KPNA3: variants seen among roughly 807,000 people sequenced by gnomAD.
KPNA3 encodes the protein importin subunit alpha-4.
KPNA3 carries 13 observed loss-of-function variants against 73.8 expected under a neutral mutation model. The observed-to-expected ratio is 0.18, with a 90% CI of 0.11 to 0.28. The LOEUF is 0.28. Ranked by LOEUF, KPNA3 falls within the 10% of genes least tolerant of loss-of-function variation. The pLI, the probability that KPNA3 is intolerant of heterozygous loss-of-function variation, is 1.00. For missense variants in KPNA3, 360 were observed against 618.1 expected (o/e 0.58, Z 4.43); for synonymous variants, 186 against 206.9 (o/e 0.90, Z 0.87).
At chr13:49,758,709 T>C (rs1426412561) in intron 1 of KPNA3, among the ~76,000 whole-genome samples, 2 of 152,056 alleles carry the variant, frequency 1.3e-5, no homozygotes, top group Non-Finnish European at 2.9e-5. Context: ...TATGTGTGTA[T>C]GTATGTATAT....
intron 1 of KPNA3, among the ~76,000 whole-genome samples, chr13:49,765,486 A>C (rs2137588003): frequency 6.6e-6 from 1 of 152,270 alleles, no homozygotes. Context: ...CTGAGTTATA[A>C]AACTATTAAC....
Position 49,705,833 on chromosome 13 carries a change from C to T in KPNA3, c.1210-50G>A, listed in dbSNP as rs780509244. The T allele has an allele frequency of 9.7e-6, 14 of 1,439,548 alleles. No individual in the cohort carries two copies. In the South Asian group the frequency reaches 1.7e-4, roughly 17 times the overall value. 89.2% of individuals were successfully genotyped at this position (1,439,548 alleles called of 1,614,324 possible). Reference sequence around the variant, plus strand: ...TTTTTATTTATATAATTATCTATTTCCCAGTAGGGTGTCGTGCTACATGGA... The same window carrying T: ...TTTTTATTTATATAATTATCTATTTTCCAGTAGGGTGTCGTGCTACATGGA... On this transcript the variant is annotated intron_variant, in intron 14 of 16. Coordinates refer to ENST00000261667, the MANE Select transcript of KPNA3 (RefSeq NM_002267.4).
chr13:49,705,396 A>G (rs1355837918), intron 15 of KPNA3, among the ~76,000 whole-genome samples: 1 of 152,026 alleles, frequency 6.6e-6, no homozygotes, highest in Non-Finnish European at 1.5e-5. Context: ...CAATCTCTAG[A>G]AGGCTATACA....
intron 10 of KPNA3, among the ~76,000 whole-genome samples, chr13:49,712,602 G>GA (rs1362859274): frequency 2.0e-5 from 3 of 151,874 alleles, no homozygotes; most frequent in Admixed American, 2.0e-4. Flanking sequence ...AGGCGGAGCT[G>GA]AAAAAAATAT....
intron 1 of KPNA3, among the ~76,000 whole-genome samples, chr13:49,751,405 A>C (rs571033865): frequency 6.6e-6 from 1 of 152,318 alleles, no homozygotes; most frequent in East Asian, 1.9e-4. Context: ...ACCATCATCT[A>C]ATCTGGACTA....
intron 1 of KPNA3, among the ~76,000 whole-genome samples, chr13:49,760,411 T>C (rs1193317722): frequency 1.8e-5 from 2 of 113,800 alleles, no homozygotes; most frequent in African/African-American, 6.7e-5. Context: ...TGAGATCCCA[T>C]CTCAAAAAAA....
At chr13:49,749,849 TAAG>T (rs1419104404) in intron 1 of KPNA3, among the ~76,000 whole-genome samples, 1 of 152,206 alleles carries the variant, frequency 6.6e-6, no homozygotes. Flanking sequence ...TTAGGTCAGT[TAAG>T]AAGAGGAGGT....
At chr13:49,773,973 A>G (rs1954875896) in intron 1 of KPNA3, among the ~76,000 whole-genome samples, 1 of 152,078 alleles carries the variant, frequency 6.6e-6, no homozygotes, top group Non-Finnish European at 1.5e-5. Context: ...TAGTGTGATC[A>G]TGGCTCGCTG....
intron 7 of KPNA3, among the ~76,000 whole-genome samples, chr13:49,723,084 T>A (rs1954375080): frequency 1.9e-4 from 1 of 5,252 alleles, no homozygotes; most frequent in Non-Finnish European, 8.0e-4. Context: ...ACTACCTCAT[T>A]TTTTTTTTTT....
At chr13:49,771,443 T>G (rs1030887546) in intron 1 of KPNA3, among the ~76,000 whole-genome samples, 1 of 152,156 alleles carries the variant, frequency 6.6e-6, no homozygotes, top group Non-Finnish European at 1.5e-5. Flanking sequence ...TTTGTAATGC[T>G]GTTGTAACAA....
intron 7 of KPNA3, 31 bp downstream of exon 7, chr13:49,725,384 CA>C: frequency 1.5e-6 from 2 of 1,351,432 alleles, no homozygotes; most frequent in Non-Finnish European, 1.0e-6. Flanking sequence ...CATTAAAACA[CA>C]AAAAGTTCAG....
intron 2 of KPNA3, among the ~76,000 whole-genome samples, chr13:49,743,331 G>A (rs1020056612): frequency 6.6e-6 from 1 of 152,120 alleles, no homozygotes; most frequent in Non-Finnish European, 1.5e-5. Flanking sequence ...ACCATAAAGA[G>A]TGGAAGAATC....
At chr13:49,748,474 AT>A in intron 1 of KPNA3, among the ~76,000 whole-genome samples, 1 of 152,122 alleles carries the variant, frequency 6.6e-6, no homozygotes. Flanking sequence ...CTATATGATC[AT>A]GGTATATTAT....
chr13:49,766,464 G>C (rs1375269718), intron 1 of KPNA3, among the ~76,000 whole-genome samples: 1 of 152,080 alleles, frequency 6.6e-6, no homozygotes, highest in Non-Finnish European at 1.5e-5. Context: ...TTCTTCCTGT[G>C]TTTTATAATT....
intron 1 of KPNA3, among the ~76,000 whole-genome samples, chr13:49,754,638 A>G (rs1420229872): frequency 4.7e-5 from 7 of 147,880 alleles, no homozygotes; most frequent in Non-Finnish European, 9.0e-5. Context: ...AAAAAAAATC[A>G]GCAGACTGGC....
chr13:49,739,785 A>C (rs1954556519), intron 2 of KPNA3, among the ~76,000 whole-genome samples: 1 of 152,222 alleles, frequency 6.6e-6, no homozygotes, highest in African/African-American at 2.4e-5. Context: ...AGCTTGTGCC[A>C]GAATGTAAAC....
At chr13:49,715,566 A>G (rs1954296544) in intron 10 of KPNA3, among the ~76,000 whole-genome samples, 4 of 152,250 alleles carry the variant, frequency 2.6e-5, no homozygotes, top group Admixed American at 2.0e-4. Flanking sequence ...CATACACTAC[A>G]TAATAGATAA....
intron 1 of KPNA3, among the ~76,000 whole-genome samples, chr13:49,787,163 A>G (rs183412436): frequency 3.4e-4 from 52 of 152,360 alleles, no homozygotes; most frequent in Admixed American, 1.6e-3. Context: ...GTGAGAAAAT[A>G]TATATTAGCC....
intron 2 of KPNA3, among the ~76,000 whole-genome samples, chr13:49,736,804 T>G (rs1423133237): frequency 6.6e-6 from 1 of 152,330 alleles, no homozygotes; most frequent in Non-Finnish European, 1.5e-5. Flanking sequence ...GATGCATTCC[T>G]CCTTTTATAA....
Sources: allele counts gnomAD v4.1 joint callset (sites outside exome capture counted in the v4.1 genomes callset), GRCh38; gene constraint gnomAD v4.1.1; transcripts MANE v1.5; gene names NCBI Gene and HGNC (gene_info 2026-07-23, HGNC 2026-07-21).